Variants in DLG2 observed in about 807,000 individuals in gnomAD.
DLG2 encodes discs large MAGUK scaffold protein 2.
DLG2 carries 45 observed loss-of-function variants against 132.5 expected under a neutral mutation model. The observed-to-expected ratio is 0.34, with a 90% CI of 0.27 to 0.44. The LOEUF (loss-of-function observed/expected upper bound fraction) is 0.44. Ranked by LOEUF, DLG2 falls within the 20% of genes least tolerant of loss-of-function variation. The pLI, the probability that DLG2 is intolerant of heterozygous loss-of-function variation, is 1.00. For missense variants in DLG2, 1,045 were observed against 1,196.9 expected (o/e 0.87, Z 1.87); for synonymous variants, 424 against 419.6 (o/e 1.01, Z -0.13).
rs192652605 is a variant in DLG2, at chr11:84,566,425, G to T, written c.358-31694C>A. ...ACATAAATCAGGGTAAAAAAAGTTTGCATTTCCTTAGAAGAGTGGATAATG... is the reference window on the plus strand; with the variant it reads ...ACATAAATCAGGGTAAAAAAAGTTTTCATTTCCTTAGAAGAGTGGATAATG... On this transcript the variant is annotated intron_variant, in intron 6 of 27. Coordinates refer to ENST00000376104, the MANE Select transcript of DLG2 (RefSeq NM_001142699.3). Among the ~76,000 whole-genome samples the T allele has an allele frequency of 2.2e-3, 333 of 152,238 alleles. 3 individuals are homozygous for T. Among genetic ancestry groups the T allele is most frequent in the African/African-American group, 7.4e-3 (306 of 41,552 alleles).
intron 21 of DLG2, among the ~76,000 whole-genome samples, chr11:83,520,712 TAG>T: frequency 1.0e-5 from 1 of 95,590 alleles, no homozygotes. Context: ...GATAGATAGA[TAG>T]ATAGATAGAT....
At chr11:85,217,427 T>C (rs1015198165) in intron 4 of DLG2, among the ~76,000 whole-genome samples, 1 of 152,034 alleles carries the variant, frequency 6.6e-6, no homozygotes, top group Admixed American at 6.6e-5. Flanking sequence ...TTGCAATGAC[T>C]CCCACCTTAA....
intron 22 of DLG2, among the ~76,000 whole-genome samples, chr11:83,482,610 C>T (rs1279536982): frequency 6.6e-6 from 1 of 152,000 alleles, no homozygotes; most frequent in African/African-American, 2.4e-5. Flanking sequence ...TAATAAATCA[C>T]TGATAGGCAT....
At chr11:84,910,510 G>A (rs559042409) in intron 6 of DLG2, among the ~76,000 whole-genome samples, 1 of 152,038 alleles carries the variant, frequency 6.6e-6, no homozygotes, top group South Asian at 2.1e-4. Flanking sequence ...ATTACAGACA[G>A]ACACAAATAA....
intron 6 of DLG2, among the ~76,000 whole-genome samples, chr11:84,539,851 C>G (rs1476082777): frequency 6.6e-6 from 1 of 152,034 alleles, no homozygotes; most frequent in Non-Finnish European, 1.5e-5. Context: ...AGGTATAGAC[C>G]AATGGAACAG....
At chr11:83,902,785 C>T (rs1198972903) in intron 15 of DLG2, among the ~76,000 whole-genome samples, 1 of 152,056 alleles carries the variant, frequency 6.6e-6, no homozygotes, top group African/African-American at 2.4e-5. Context: ...CAGTTTCCTG[C>T]CCCTGAGGAT....
chr11:84,147,580 GAA>G (rs2095132469), intron 9 of DLG2, among the ~76,000 whole-genome samples: 2 of 152,096 alleles, frequency 1.3e-5, no homozygotes, highest in Admixed American at 6.6e-5. Context: ...ATAAAGAAAA[GAA>G]AAGAGTTGCA....
chr11:84,571,827 T>C (rs1022235215), intron 6 of DLG2, among the ~76,000 whole-genome samples: 1 of 152,146 alleles, frequency 6.6e-6, no homozygotes, highest in Non-Finnish European at 1.5e-5. Flanking sequence ...ATGAAAGACA[T>C]GGCAAACCAC....
At chr11:84,882,151 T>C (rs1280653080) in intron 6 of DLG2, among the ~76,000 whole-genome samples, 1 of 152,022 alleles carries the variant, frequency 6.6e-6, no homozygotes, top group East Asian at 1.9e-4. Flanking sequence ...AATGAGACAG[T>C]ACACCTTCTT....
chr11:85,387,637 A>G (rs2086454010), intron 3 of DLG2, among the ~76,000 whole-genome samples: 1 of 152,220 alleles, frequency 6.6e-6, no homozygotes, highest in African/African-American at 2.4e-5. Flanking sequence ...TAGGACCTCA[A>G]TAATGGATCA....
intron 7 of DLG2, among the ~76,000 whole-genome samples, chr11:84,266,947 A>G (rs35136629): frequency 0.053 from 8,001 of 152,346 alleles, 324 homozygotes; most frequent in Non-Finnish European, 0.081. Flanking sequence ...AGAAGTGCAT[A>G]GTCTTGCCCT....
chr11:83,897,011 A>G (rs1398240578), intron 15 of DLG2, among the ~76,000 whole-genome samples: 1 of 152,204 alleles, frequency 6.6e-6, no homozygotes, highest in Admixed American at 6.5e-5. Context: ...CCATACTAGC[A>G]GAAAGCATCA....
At chr11:84,441,038 T>G (rs1243118028) in intron 7 of DLG2, among the ~76,000 whole-genome samples, 2 of 152,164 alleles carry the variant, frequency 1.3e-5, no homozygotes. Context: ...AGTAAGTTAA[T>G]GTAAAAAATT....
rs566054547 is a variant in DLG2 at position 83,658,287 on chromosome 11, G to C, written c.1826-24962C>G. On this transcript the variant is annotated intron_variant, in intron 18 of 27. Coordinates refer to ENST00000376104, the MANE Select transcript of DLG2 (RefSeq NM_001142699.3). The stretch of plus-strand genomic sequence containing the variant: ...TAAGAAGGATGGAAACAAATATATA[G>C]AGACTTTATTATTTCCAAAAAGTGC... Among the ~76,000 whole-genome samples, 6 of 152,106 alleles carry C rather than the reference G, an allele frequency of 3.9e-5. No individual in the cohort carries two copies. In the East Asian group the frequency reaches 9.6e-4, roughly 24 times the overall value.
At chr11:83,917,840 T>C (rs2077179000) in intron 15 of DLG2, among the ~76,000 whole-genome samples, 3 of 152,190 alleles carry the variant, frequency 2.0e-5, no homozygotes, top group Admixed American at 2.0e-4. Flanking sequence ...GACAGAAATA[T>C]ATTCTGTTTT....
intron 7 of DLG2, among the ~76,000 whole-genome samples, chr11:84,528,535 T>C (rs527285724): frequency 6.6e-6 from 1 of 152,356 alleles, no homozygotes; most frequent in East Asian, 1.9e-4. Context: ...TAAACTGTTA[T>C]CCAGCAATCT....
intron 8 of DLG2, among the ~76,000 whole-genome samples, chr11:84,213,040 T>C (rs755015454): frequency 6.6e-6 from 1 of 152,186 alleles, no homozygotes; most frequent in Non-Finnish European, 1.5e-5. Flanking sequence ...GCCACACTGT[T>C]ATTATTCTTT....
intron 6 of DLG2, among the ~76,000 whole-genome samples, chr11:84,983,358 A>G (rs1297931812): frequency 1.3e-5 from 2 of 152,144 alleles, no homozygotes; most frequent in African/African-American, 2.4e-5. Context: ...AGCCTGGTAG[A>G]CTTGCTGGGT....
At chr11:85,504,573 T>G (rs754781164) in intron 3 of DLG2, among the ~76,000 whole-genome samples, 9 of 152,206 alleles carry the variant, frequency 5.9e-5, no homozygotes, top group Admixed American at 2.6e-4. Flanking sequence ...TTGGTCTATA[T>G]CTCTGTTTTG....
Sources: gnomAD v4.1 joint callset for allele counts (sites outside exome capture counted in the v4.1 genomes callset) on GRCh38, gnomAD v4.1.1 for gene constraint, MANE v1.5 for transcripts, NCBI Gene and HGNC (gene_info 2026-07-23, HGNC 2026-07-21) for gene names.